The following ZNF423 variants were observed in gnomAD, a reference collection of about 807,000 sequenced individuals.
ZNF423 encodes the protein zinc finger protein 423, also known as Ebf-associated zinc finger protein.
A neutral mutation model predicts 95.8 loss-of-function variants in ZNF423; 12 were observed. The observed-to-expected ratio is 0.13, with a 90% CI of 0.08 to 0.20. The LOEUF is 0.20. ZNF423 is among the 10% of genes least tolerant of loss of function. The pLI, the probability that ZNF423 is intolerant of heterozygous loss-of-function variation, is 1.00. For missense variants in ZNF423, 1,316 were observed against 1,737.1 expected (o/e 0.76, Z 4.31); for synonymous variants, 749 against 711.9 (o/e 1.05, Z -0.83).
At chr16:49,623,091 C>A (rs577747840) in intron 5 of ZNF423, among the ~76,000 whole-genome samples, 1 of 152,108 alleles carries the variant, frequency 6.6e-6, no homozygotes, top group Non-Finnish European at 1.5e-5. Context: ...GACTGCCCAG[C>A]CACCGGAGGT....
chr16:49,555,834 T>A (rs1045809033), intron 5 of ZNF423, among the ~76,000 whole-genome samples: 1 of 152,130 alleles, frequency 6.6e-6, no homozygotes, highest in African/African-American at 2.4e-5. Flanking sequence ...GAGAGATGGA[T>A]GTGTGGATGG....
intron 2 of ZNF423, among the ~76,000 whole-genome samples, chr16:49,770,680 T>C (rs1024384218): frequency 6.6e-6 from 1 of 151,340 alleles, no homozygotes; most frequent in African/African-American, 2.4e-5. Context: ...GAGAGGGTGC[T>C]CTCGGAGGGG....
intron 5 of ZNF423, among the ~76,000 whole-genome samples, chr16:49,544,935 G>A (rs546387987): frequency 4.6e-5 from 7 of 152,274 alleles, no homozygotes; most frequent in Admixed American, 2.6e-4. Context: ...TGACCTCACA[G>A]TGTGACCAGA....
chr16:49,529,402 C>G (rs1051565831), intron 5 of ZNF423, among the ~76,000 whole-genome samples: 3 of 152,198 alleles, frequency 2.0e-5, no homozygotes, highest in African/African-American at 7.2e-5. Context: ...TCTCCTTTCT[C>G]CCTCCTCTGC....
intron 1 of ZNF423, among the ~76,000 whole-genome samples, chr16:49,811,360 G>A (rs1053960661): frequency 6.6e-6 from 1 of 151,954 alleles, no homozygotes; most frequent in African/African-American, 2.4e-5. Flanking sequence ...TCAAATGATC[G>A]CAGGGGAAAT....
At chr16:49,719,765 C>T (rs979830055) in intron 3 of ZNF423, among the ~76,000 whole-genome samples, 1 of 152,222 alleles carries the variant, frequency 6.6e-6, no homozygotes, top group African/African-American at 2.4e-5. Flanking sequence ...GCCTGTACAG[C>T]CTGAGGAAAT....
chr16:49,663,104 T>C (rs757154592), intron 3 of ZNF423, among the ~76,000 whole-genome samples: 12 of 152,162 alleles, frequency 7.9e-5, no homozygotes, highest in Non-Finnish European at 1.6e-4. Context: ...TGCAGCTCTA[T>C]GCAAAGCGCA....
At chr16:49,610,145 C>T (rs919076035) in intron 5 of ZNF423, among the ~76,000 whole-genome samples, 23 of 152,084 alleles carry the variant, frequency 1.5e-4, no homozygotes, top group African/African-American at 5.6e-4. Flanking sequence ...TAAAAGAAAA[C>T]TAAGAGAATG....
intron 5 of ZNF423, among the ~76,000 whole-genome samples, chr16:49,568,317 C>A (rs1419600273): frequency 6.6e-6 from 1 of 152,084 alleles, no homozygotes; most frequent in Non-Finnish European, 1.5e-5. Flanking sequence ...TTTTCCGTAC[C>A]ATACTGCAAG....
chr16:49,677,287 A>AAGGGAAGGGAAGGGAAGGGAAGGGAAGG (rs1158583195), intron 3 of ZNF423, among the ~76,000 whole-genome samples: 5 of 82,318 alleles, frequency 6.1e-5, no homozygotes, highest in Non-Finnish European at 1.0e-4. Context: ...AGAAGAGAAG[A>AAGGGAAGGGAAGGGAAGGGAAGGGAAGG]GAAGAGAAGA....
intron 2 of ZNF423, among the ~76,000 whole-genome samples, chr16:49,778,442 C>T (rs1344033140): frequency 6.6e-6 from 1 of 152,222 alleles, no homozygotes; most frequent in African/African-American, 2.4e-5. Context: ...CCGCACAGTC[C>T]ATGTGTCCAG....
rs543090983 is a variant in ZNF423, at chr16:49,595,548, A to G, written c.3601+30622T>C. 3.9e-5 allele frequency among the ~76,000 whole-genome samples: 6 copies of G among 152,366 alleles called. No individual in the cohort carries two copies. In the South Asian group the frequency reaches 1.2e-3, roughly 32 times the overall value. ...AGGTAAGAATTCTATTTTAAAAAAT[A>G]AAGTGCCCACCAGTACCTGCATCCA... On this transcript the variant is annotated intron_variant, in intron 5 of 7. Transcript: ENST00000563137.
Position 49,776,074 on chromosome 16 carries a change from G to A in ZNF423, c.100+13413C>T, listed in dbSNP as rs1396620283. Among the ~76,000 whole-genome samples, 3 of 152,336 alleles carry A rather than the reference G, an allele frequency of 2.0e-5. 1 individual carries two copies. In the East Asian group the frequency reaches 5.8e-4, roughly 29 times the overall value. Reference sequence around the variant, plus strand: ...AGGCTTGGGCCATTTAGGGAGAGGAGATGCAGGAGCTCAGGTGACAGCATA... The same window carrying A: ...AGGCTTGGGCCATTTAGGGAGAGGAAATGCAGGAGCTCAGGTGACAGCATA... On this transcript the variant is annotated intron_variant, in intron 2 of 7. Transcript: ENST00000563137.
At chr16:49,672,056 A>G (rs913525337) in intron 3 of ZNF423, among the ~76,000 whole-genome samples, 1 of 152,144 alleles carries the variant, frequency 6.6e-6, no homozygotes, top group African/African-American at 2.4e-5. Context: ...CAAAATTCAG[A>G]CTTTTTCAGA....
At chr16:49,842,070 C>T (rs2035187476) in intron 1 of ZNF423, among the ~76,000 whole-genome samples, 1 of 151,536 alleles carries the variant, frequency 6.6e-6, no homozygotes, top group Non-Finnish European at 1.5e-5. Context: ...AACCCTGTCT[C>T]TACTAAAAAT....
rs58692079 is a variant in ZNF423 at position 49,815,914 on chromosome 16, ATTTTTTTTTTT to A, written c.41-26379_41-26369del. On this transcript the variant is annotated intron_variant, in intron 1 of 7. Coordinates refer to ENST00000563137, the MANE Select transcript of ZNF423 (RefSeq NM_001379286.1). Reference sequence around the variant, plus strand: ...TATATATATATATATATATATATATATTTTTTTTTTTTTTTTTTTTTTGAGACAAAGTCTCA... The same window carrying A: ...TATATATATATATATATATATATATATTTTTTTTTTTGAGACAAAGTCTCA... 2.2e-3 allele frequency among the ~76,000 whole-genome samples: 65 copies of A among 29,776 alleles called. 2 individuals carry two copies. The highest frequency in any genetic ancestry group is 0.011 in the South Asian group (5 of 460). 19.5% of individuals were successfully genotyped at this position (29,776 alleles called of 152,430 possible).
intron 1 of ZNF423, among the ~76,000 whole-genome samples, chr16:49,819,087 C>A (rs1386961771): frequency 6.6e-6 from 1 of 151,534 alleles, no homozygotes; most frequent in African/African-American, 2.4e-5. Context: ...CCCGTCTCTA[C>A]TAAAAATACA....
At chr16:49,725,670 G>A (rs2032992090) in intron 3 of ZNF423, among the ~76,000 whole-genome samples, 1 of 152,216 alleles carries the variant, frequency 6.6e-6, no homozygotes, top group Non-Finnish European at 1.5e-5. Flanking sequence ...AGCAGGGAGG[G>A]CTGCAGGGCG....
At chr16:49,553,721 T>C (rs903668113) in intron 5 of ZNF423, among the ~76,000 whole-genome samples, 18 of 152,176 alleles carry the variant, frequency 1.2e-4, no homozygotes, top group Admixed American at 1.0e-3. Flanking sequence ...ATCAATTTTA[T>C]ATGTATTTCT....
Sources: gnomAD v4.1 joint callset for allele counts (sites outside exome capture counted in the v4.1 genomes callset) on GRCh38, gnomAD v4.1.1 for gene constraint, MANE v1.5 for transcripts, NCBI Gene and HGNC (gene_info 2026-07-23, HGNC 2026-07-21) for gene names.